Variants in AFF3 observed in about 807,000 individuals in gnomAD.
AFF3 encodes the protein ALF transcription elongation factor 3, also known as AF4/FMR2 family member 3.
In AFF3, 32 loss-of-function variants were observed where a neutral mutation model predicts 129.7. That is an observed-to-expected ratio of 0.25 (90% confidence interval 0.19 to 0.33). The LOEUF is 0.33. Among genes scored for constraint, AFF3 ranks in the 10% least tolerant of loss-of-function variants. AFF3 has a pLI of 1.00. For synonymous variants in AFF3, 644 were observed against 635.4 expected, an observed-to-expected ratio of 1.01 and a Z score of -0.20; for missense variants, 1,373 against 1,592.0, an observed-to-expected ratio of 0.86 and a Z score of 2.34.
chr2:99,849,454 T>C (rs1413885344), intron 7 of AFF3, among the ~76,000 whole-genome samples: 1 of 152,118 alleles, frequency 6.6e-6, no homozygotes, highest in Non-Finnish European at 1.5e-5. Context: ...GCAAACCCAA[T>C]TCTGCCATTA....
intron 11 of AFF3, among the ~76,000 whole-genome samples, chr2:99,702,365 G>C (rs1237431394): frequency 6.6e-6 from 1 of 152,038 alleles, no homozygotes; most frequent in East Asian, 1.9e-4. Flanking sequence ...TTTTGAGACA[G>C]AGTCTCACTC....
chr2:99,787,601 T>C (rs1684896886), intron 8 of AFF3, among the ~76,000 whole-genome samples: 1 of 152,212 alleles, frequency 6.6e-6, no homozygotes, highest in African/African-American at 2.4e-5. Flanking sequence ...TTCCCGATGA[T>C]GTACGTCCTG....
intron 7 of AFF3, among the ~76,000 whole-genome samples, chr2:99,895,786 C>T (rs537392222): frequency 2.6e-5 from 4 of 152,140 alleles, no homozygotes; most frequent in South Asian, 2.1e-4. Context: ...AAAGCTGTCT[C>T]GGATGGGCGT....
chr2:99,791,476 C>A (rs1685183211), intron 8 of AFF3, among the ~76,000 whole-genome samples: 1 of 152,224 alleles, frequency 6.6e-6, no homozygotes, highest in African/African-American at 2.4e-5. Flanking sequence ...AGTACGGATG[C>A]ACCATTCTTT....
At chr2:99,654,608 T>C (rs1369793454) in intron 12 of AFF3, among the ~76,000 whole-genome samples, 2 of 152,242 alleles carry the variant, frequency 1.3e-5, no homozygotes, top group African/African-American at 2.4e-5. Flanking sequence ...TCTTCCTAAA[T>C]CTCACATCAT....
chr2:99,785,680 A>G (rs951775341), intron 8 of AFF3, among the ~76,000 whole-genome samples: 4 of 152,196 alleles, frequency 2.6e-5, no homozygotes, highest in African/African-American at 9.7e-5. Context: ...ACTCTTCAGA[A>G]AACTTCCTAC....
At chr2:100,036,949 C>A (rs1684969529) in intron 4 of AFF3, among the ~76,000 whole-genome samples, 1 of 152,100 alleles carries the variant, frequency 6.6e-6, no homozygotes, top group Non-Finnish European at 1.5e-5. Flanking sequence ...GACAGCTGTG[C>A]AGAGCGGCAG....
intron 7 of AFF3, among the ~76,000 whole-genome samples, chr2:99,898,912 C>G: frequency 6.6e-6 from 1 of 152,208 alleles, no homozygotes; most frequent in Non-Finnish European, 1.5e-5. Flanking sequence ...CCTGCCTCCT[C>G]CCCACCAGCA....
chr2:99,815,247 T>C (rs1558876706), intron 8 of AFF3, among the ~76,000 whole-genome samples: 2 of 152,208 alleles, frequency 1.3e-5, no homozygotes, highest in Non-Finnish European at 2.9e-5. Flanking sequence ...TTTTTTATTA[T>C]AGCAAAATAT....
At chr2:100,053,123 T>C (rs1686484770) in intron 4 of AFF3, among the ~76,000 whole-genome samples, 3 of 152,178 alleles carry the variant, frequency 2.0e-5, no homozygotes, top group Non-Finnish European at 1.5e-5. Flanking sequence ...CAAAAAGTCA[T>C]TTATGTTTAC....
At chr2:99,764,922 A>T (rs1682886944) in intron 8 of AFF3, among the ~76,000 whole-genome samples, 1 of 135,592 alleles carries the variant, frequency 7.4e-6, no homozygotes, top group Non-Finnish European at 1.6e-5. Flanking sequence ...TTTGACAAGC[A>T]AAAAAAAAAT....
chr2:99,675,829 C>A (rs1687557233), intron 11 of AFF3, among the ~76,000 whole-genome samples: 1 of 152,176 alleles, frequency 6.6e-6, no homozygotes, highest in Non-Finnish European at 1.5e-5. Flanking sequence ...ACTCCCAAAC[C>A]CTGGGGAACA....
At chr2:99,875,507 T>C (rs1446250633) in intron 7 of AFF3, among the ~76,000 whole-genome samples, 2 of 152,208 alleles carry the variant, frequency 1.3e-5, no homozygotes, top group Non-Finnish European at 2.9e-5. Context: ...GTAGAGACCT[T>C]GCATTTTTGG....
intron 4 of AFF3, among the ~76,000 whole-genome samples, chr2:100,037,169 T>C (rs1684988250): frequency 6.6e-6 from 1 of 151,758 alleles, no homozygotes; most frequent in African/African-American, 2.4e-5. Context: ...ACAGCCAAAA[T>C]ATTAGAAGAA....
rs1460443768 is a variant in AFF3, at chr2:99,682,623, A to G, written c.1092-10034T>C. Among the ~76,000 whole-genome samples, 6 of 152,332 alleles carry G rather than the reference A, an allele frequency of 3.9e-5. No homozygotes were observed. The East Asian group carries it at 7.7e-4, about 20-fold the overall frequency. Reference sequence around the variant, plus strand: ...GTCCCCACACTTTCGTCAAGACTGCATAGGATAGTGTGCTGGGTTTTCTGT... The same window carrying G: ...GTCCCCACACTTTCGTCAAGACTGCGTAGGATAGTGTGCTGGGTTTTCTGT... On this transcript the variant is annotated intron_variant, in intron 11 of 24. Coordinates refer to ENST00000672756, the MANE Select transcript of AFF3 (RefSeq NM_001386135.1).
chr2:99,790,638 C>T (rs1226568165), intron 8 of AFF3, among the ~76,000 whole-genome samples: 1 of 152,156 alleles, frequency 6.6e-6, no homozygotes, highest in East Asian at 1.9e-4. Flanking sequence ...GTGCTACTGG[C>T]ATCAAGTGGG....
chr2:99,859,409 T>C (rs940941060), intron 7 of AFF3, among the ~76,000 whole-genome samples: 1 of 152,224 alleles, frequency 6.6e-6, no homozygotes, highest in African/African-American at 2.4e-5. Flanking sequence ...CCAGACCTAC[T>C]GAGTCAGAAT....
chr2:99,650,429 T>C (rs1038559567), intron 12 of AFF3, among the ~76,000 whole-genome samples: 3 of 152,064 alleles, frequency 2.0e-5, no homozygotes, highest in Middle Eastern at 3.4e-3. Flanking sequence ...TGTGGTGGCA[T>C]GCGCCTGTAG....
At chr2:99,705,251 A>G (rs1677245967) in intron 11 of AFF3, among the ~76,000 whole-genome samples, 1 of 152,152 alleles carries the variant, frequency 6.6e-6, no homozygotes, top group Non-Finnish European at 1.5e-5. Context: ...AAATTAAAGG[A>G]TGGGAAAGGA....
Sources: allele counts gnomAD v4.1 joint callset (sites outside exome capture counted in the v4.1 genomes callset), GRCh38; gene constraint gnomAD v4.1.1; transcripts MANE v1.5; gene names NCBI Gene and HGNC (gene_info 2026-07-23, HGNC 2026-07-21).